TLR6: variants seen among roughly 807,000 people sequenced by gnomAD.
TLR6 encodes the protein toll like receptor 6.
TLR6 carries 9 observed loss-of-function variants against 16.1 expected under a neutral mutation model. The observed-to-expected ratio is 0.56, with a 90% CI of 0.34 to 0.98. The LOEUF (loss-of-function observed/expected upper bound fraction) is 0.98. Among genes scored for constraint, TLR6 ranks in the 50% least tolerant of loss-of-function variants. The pLI is 0.02. For missense variants in TLR6, 786 were observed against 921.0 expected (o/e 0.85, Z 1.90); for synonymous variants, 340 against 338.6 (o/e 1.00, Z -0.04).
upstream of TLR6, among the ~76,000 whole-genome samples, chr4:38,858,612 C>A (rs902207477): frequency 6.6e-6 from 1 of 151,696 alleles, no homozygotes. Context: ...CCCAGCTACT[C>A]GGGAGGCTGA....
intron 1 of TLR6, among the ~76,000 whole-genome samples, chr4:38,835,313 G>A (rs1301667907): frequency 6.6e-6 from 1 of 151,792 alleles, no homozygotes; most frequent in African/African-American, 2.4e-5. Flanking sequence ...AAGCAAGCAA[G>A]AATAGCTATA....
At chr4:38,827,246 C>T (rs766695890) in exon 2 of TLR6, 1 of 1,614,112 alleles carries the variant, frequency 6.2e-7, no homozygotes, top group South Asian at 1.1e-5. Flanking sequence ...GTTGGGAATG[C>T]TGTTCTGTGG....
At position 38,831,953 on chromosome 4, in the gene TLR6, C is replaced by G. The variant is rs966896857; in HGVS notation, c.-64-2416G>C. 2.6e-5 allele frequency among the ~76,000 whole-genome samples: 4 copies of G among 152,194 alleles called. No homozygotes were observed. The East Asian group carries it at 7.7e-4, about 29-fold the overall frequency. ...CTATGGAATGCAGTTTCTTATAAAA[C>G]TAAGCATAGTCTTATCACACAATCC... On this transcript the variant is annotated intron_variant, in intron 1 of 1. Coordinates refer to ENST00000436693, the Ensembl canonical transcript of TLR6.
At chr4:38,828,371 C>A in exon 2 of TLR6, 1 of 1,612,982 alleles carries the variant, frequency 6.2e-7, no homozygotes, top group Non-Finnish European at 8.5e-7. Flanking sequence ...TTCAAAAATA[C>A]TATCTGTGAA....
At chr4:38,827,605 C>T in exon 2 of TLR6, 1 of 1,614,220 alleles carries the variant, frequency 6.2e-7, no homozygotes, top group Non-Finnish European at 8.5e-7. Context: ...TGCGCCGAGT[C>T]TGGGTCCACT....
At chr4:38,858,228 G>A (rs1284997504), upstream of TLR6, among the ~76,000 whole-genome samples, 1 of 152,216 alleles carries the variant, frequency 6.6e-6, no homozygotes, top group Admixed American at 6.5e-5. Flanking sequence ...TTACTGTGAG[G>A]CTTGGGACAA....
chr4:38,828,391 G>A, exon 2 of TLR6: 1 of 1,612,444 alleles, frequency 6.2e-7, no homozygotes, highest in Non-Finnish European at 8.5e-7. Flanking sequence ...AAACGTTCTG[G>A]GTAAAGTTCA....
upstream of TLR6, among the ~76,000 whole-genome samples, chr4:38,861,117 A>G (rs1405853094): frequency 6.6e-6 from 1 of 151,840 alleles, no homozygotes; most frequent in Non-Finnish European, 1.5e-5. Flanking sequence ...TGCTACTTCC[A>G]GATCACTTTC....
chr4:38,845,985 A>G (rs936928511), intron 1 of TLR6, among the ~76,000 whole-genome samples: 1 of 151,322 alleles, frequency 6.6e-6, no homozygotes, highest in Non-Finnish European at 1.5e-5. Flanking sequence ...CCAGCTATTC[A>G]GGAGGCTGAG....
chr4:38,852,034 A>G (rs1273870021), intron 1 of TLR6, among the ~76,000 whole-genome samples: 1 of 152,224 alleles, frequency 6.6e-6, no homozygotes, highest in Non-Finnish European at 1.5e-5. Flanking sequence ...AAACAGAGAT[A>G]TAGATCAATG....
Position 38,853,083 on chromosome 4 carries a change from G to A in TLR6, c.-65+3678C>T, listed in dbSNP as rs560022682. ...AGGATGAGTTCATGTCCTTTGTAGG[G>A]ACATGGATGAAGCTGGAAACCATCA... On this transcript the variant is annotated intron_variant, in intron 1 of 1. Transcript: ENST00000436693. 2.0e-5 allele frequency among the ~76,000 whole-genome samples: 3 copies of A among 150,954 alleles called. 1 individual carries two copies. The South Asian group carries it at 6.3e-4, about 32-fold the overall frequency.
At chr4:38,847,742 G>A (rs1381113798) in intron 1 of TLR6, among the ~76,000 whole-genome samples, 4 of 151,986 alleles carry the variant, frequency 2.6e-5, no homozygotes, top group Non-Finnish European at 4.4e-5. Context: ...GGGGAGGGGC[G>A]CCAGCCATTG....
chr4:38,847,436 G>A (rs1712576397), intron 1 of TLR6, among the ~76,000 whole-genome samples: 1 of 152,118 alleles, frequency 6.6e-6, no homozygotes, highest in Non-Finnish European at 1.5e-5. Context: ...GGACAGTGGG[G>A]GCAGGACAGT....
At chr4:38,838,968 A>AG (rs1305476914) in intron 1 of TLR6, among the ~76,000 whole-genome samples, 10 of 102,884 alleles carry the variant, frequency 9.7e-5, no homozygotes, top group African/African-American at 4.6e-4. Context: ...AAGGAAGGGG[A>AG]GGAAGGAAAG....
At chr4:38,857,967 G>C (rs1187647055), upstream of TLR6, among the ~76,000 whole-genome samples, 1 of 152,206 alleles carries the variant, frequency 6.6e-6, no homozygotes. Context: ...TCAAGTAACC[G>C]TGGACTAAAG....
chr4:38,853,419 G>T (rs1712849466), intron 1 of TLR6, among the ~76,000 whole-genome samples: 2 of 151,540 alleles, frequency 1.3e-5, no homozygotes. Context: ...CTTTCCGGAA[G>T]TTTTAACCAC....
At chr4:38,834,243 A>T (rs1164747243) in intron 1 of TLR6, among the ~76,000 whole-genome samples, 19 of 139,536 alleles carry the variant, frequency 1.4e-4, no homozygotes, top group East Asian at 4.3e-4. Flanking sequence ...CAGCTCAAAA[A>T]AAAAATATAT....
exon 2 of TLR6, chr4:38,828,699 T>C (rs145259853): frequency 2.5e-6 from 4 of 1,614,166 alleles, no homozygotes; most frequent in Non-Finnish European, 3.4e-6. Context: ...GTCGTTTCTA[T>C]GTGGTTGAGG....
the TLR6 span, among the ~76,000 whole-genome samples, chr4:38,866,865 T>G: frequency 2.0e-5 from 3 of 152,292 alleles, no homozygotes; most frequent in Admixed American, 2.0e-4. Context: ...TTCTTTAACT[T>G]TGAATTTATA....
Sources: gnomAD v4.1 joint callset for allele counts (sites outside exome capture counted in the v4.1 genomes callset) on GRCh38, gnomAD v4.1.1 for gene constraint, MANE v1.5 for transcripts, NCBI Gene and HGNC (gene_info 2026-07-23, HGNC 2026-07-21) for gene names.